GON4L: variants seen among roughly 807,000 people sequenced by gnomAD.
GON4L encodes GON-4-like protein.
GON4L carries 87 observed loss-of-function variants against 211.8 expected under a neutral mutation model. That is an observed-to-expected ratio of 0.41 (90% CI 0.35 to 0.49). The LOEUF (loss-of-function observed/expected upper bound fraction) is 0.49. Ranked by LOEUF, GON4L falls within the 20% of genes least tolerant of loss-of-function variation. The pLI, the probability that GON4L is intolerant of heterozygous loss-of-function variation, is 0.15. For synonymous variants in GON4L, 875 were observed against 962.6 expected (o/e 0.91, Z 1.68); for missense variants, 2,155 against 2,659.5 (o/e 0.81, Z 4.17).
chr1:155,755,147 C>A (rs777012475), intron 27 of GON4L, among the ~76,000 whole-genome samples: 3 of 148,766 alleles, frequency 2.0e-5, no homozygotes, highest in Admixed American at 6.8e-5. Flanking sequence ...CTCAGCTTAG[C>A]GCAACTTCCA....
chr1:155,762,953 T>C (rs560205409), intron 22 of GON4L, among the ~76,000 whole-genome samples: 3 of 151,946 alleles, frequency 2.0e-5, no homozygotes, highest in East Asian at 3.9e-4. Context: ...GGAGAATCGC[T>C]TGAACCTGGG....
At position 155,777,699 on chromosome 1, in the gene GON4L, G is replaced by A; in HGVS notation, c.2014C>T (p.Pro672Ser). The A allele has an allele frequency of 5.6e-6, 9 of 1,613,540 alleles. No individual in the cohort carries two copies. Among genetic ancestry groups the A allele is most frequent in the Non-Finnish European group, 6.8e-6 (8 of 1,179,496 alleles). ...KQLQEVEKVK[P>S]QSEKVHQTLI... ...GTCTGATGAACTTTCTCACTCTGGG[G>A]TTTAACCTTCTCTACTTCCTGCAGC... Residue 672 changes from proline to serine, a missense_variant, in exon 15 of 32, where the codon CCC becomes TCC. By Grantham distance (74) the Pro-to-Ser change is moderately conservative (BLOSUM62 -1). This residue lies in a region of GON4L where 551 missense variants were observed against 854.0 expected (regional missense o/e 0.65). Coordinates refer to ENST00000368331, the MANE Select transcript of GON4L (RefSeq NM_001282860.2).
At position 155,765,346 on chromosome 1, in the gene GON4L, ACTGT is replaced by A. The variant is rs1662337893; in HGVS notation, c.4123_4126del (p.Thr1375SerfsTer31). ...ACTCCTCTCCTCTTCCTTCTGTAAG[ACTGT>A]CTGTTTCGTTACTTCTCCAGCACTG... On this transcript the variant is annotated frameshift_variant, in exon 21 of 32. Transcript: ENST00000368331. LOFTEE classifies it high-confidence loss of function. The A allele has an allele frequency of 1.9e-6, 3 of 1,614,078 alleles. No individual in the cohort carries two copies. The highest frequency in any genetic ancestry group is 2.5e-6 in the Non-Finnish European group (3 of 1,180,004).
chr1:155,757,205 T>C lies in GON4L; in HGVS notation c.5372A>G (p.Asn1791Ser), dbSNP rs368790912. 9.0e-5 allele frequency: 146 copies of C among 1,613,916 alleles called. 2 individuals are homozygous for C. The highest frequency in any genetic ancestry group is 3.3e-4 in the African/African-American group (25 of 75,014). ...CTCATACTCCTTTTCCTCAGTCCAA[T>C]TGATCTCTTCAAAGTCACCCATCCG... ...ASRMGDFEEI[N>S]WTEEKEYEFD... is the part of the protein sequence containing the mutation. The change falls in exon 26 of 32, where the codon AAT becomes AGT. Residue 1791 changes from asparagine to serine, a missense_variant. Transcript: ENST00000368331.
intron 17 of GON4L, among the ~76,000 whole-genome samples, chr1:155,774,307 ATTTT>A (rs59844793): frequency 3.7e-5 from 4 of 107,382 alleles, no homozygotes; most frequent in South Asian, 3.1e-4. Flanking sequence ...AAGTTAGTTG[ATTTT>A]TTTTTTTTTT....
At chr1:155,796,330 T>G (rs1289049704) in intron 11 of GON4L, among the ~76,000 whole-genome samples, 1 of 151,500 alleles carries the variant, frequency 6.6e-6, no homozygotes, top group Non-Finnish European at 1.5e-5. Flanking sequence ...CAGGTTGGAG[T>G]GCAGTGGCAT....
chr1:155,787,040 G>C (rs1021181760), intron 12 of GON4L, among the ~76,000 whole-genome samples: 1 of 151,950 alleles, frequency 6.6e-6, no homozygotes, highest in Non-Finnish European at 1.5e-5. Flanking sequence ...TCCTGCCTCA[G>C]CCTCCTGAGT....
chr1:155,792,285 A>G (rs1471047298), intron 12 of GON4L, among the ~76,000 whole-genome samples: 2 of 152,192 alleles, frequency 1.3e-5, no homozygotes, highest in Admixed American at 6.6e-5. Context: ...AGTCCTTTTA[A>G]AGAGATTATA....
chr1:155,766,863 C>T (rs191031456), intron 20 of GON4L, among the ~76,000 whole-genome samples, 154 bp from the exon 21 acceptor site: 71 of 152,224 alleles, frequency 4.7e-4, no homozygotes, highest in Admixed American at 3.9e-3. Context: ...CTGACCAACA[C>T]GGTGAAACCC....
chr1:155,812,613 T>C (rs1482268493), intron 10 of GON4L, among the ~76,000 whole-genome samples: 1 of 151,736 alleles, frequency 6.6e-6, no homozygotes, highest in African/African-American at 2.4e-5. Context: ...TGGAGTGCAG[T>C]GGCGCAATCT....
Position 155,765,869 on chromosome 1 carries a change from A to G in GON4L, c.3604T>C (p.Ser1202Pro). 6.2e-7 allele frequency: 1 copy of G among 1,614,204 alleles called. No homozygotes were observed. Among genetic ancestry groups the G allele is most frequent in the Non-Finnish European group, 8.5e-7 (1 of 1,180,034 alleles). ...CPLNQSLVAS[S>P]VSPLIVSGNS... ...CCAGAAACAATTAAGGGTGAGACAG[A>G]GGAGGCCACAAGGGACTGGTTCAAT... is the stretch of plus-strand genomic sequence containing the variant. Residue 1202 changes from serine to proline, a missense_variant, in exon 21 of 32, where the codon TCT (serine) becomes CCT (proline). Coordinates refer to ENST00000368331, the MANE Select transcript of GON4L (RefSeq NM_001282860.2).
In GON4L at chr1:155,777,784, T is replaced by C. The variant is rs143825466; in HGVS notation, c.1929A>G (p.Gln643=). 6.2e-7 allele frequency: 1 copy of C among 1,613,502 alleles called. No homozygotes were observed. The highest frequency in any genetic ancestry group is 8.5e-7 in the Non-Finnish European group (1 of 1,179,544). ...EEPLANLLNE[Q]HRTVKELFEQ... ...CAAATAGCTCCTTCACTGTCCGATG[T>C]TGTTCATTTAACAGGTTGGCCAGTG... The change falls in exon 15 of 32, where the codon CAA becomes CAG. Residue 643 remains glutamine, a synonymous_variant. Transcript: ENST00000368331.
Position 155,757,329 on chromosome 1 carries a change from G to A in GON4L, c.5254-6C>T. The A allele has an allele frequency of 6.2e-7, 1 of 1,612,788 alleles. No individual in the cohort carries two copies. The highest frequency in any genetic ancestry group is 2.2e-5 in the East Asian group (1 of 44,874). ...TGCCACATCTGTGTCTTGAGCTGAGGAGAGTCACAGAGGGAAAGAGGAAGT... is the reference window on the plus strand; with the variant it reads ...TGCCACATCTGTGTCTTGAGCTGAGAAGAGTCACAGAGGGAAAGAGGAAGT... On this transcript the variant is annotated splice_polypyrimidine_tract_variant and splice_region_variant and intron_variant, in intron 25 of 31. Coordinates refer to ENST00000368331, the MANE Select transcript of GON4L (RefSeq NM_001282860.2).
intron 14 of GON4L, among the ~76,000 whole-genome samples, chr1:155,781,514 G>A (rs1256839706): frequency 1.3e-5 from 2 of 151,966 alleles, no homozygotes; most frequent in Non-Finnish European, 2.9e-5. Flanking sequence ...TCAGGATGGA[G>A]TGCAGTGGCA....
intron 11 of GON4L, among the ~76,000 whole-genome samples, chr1:155,803,497 C>T (rs913680162): frequency 1.3e-5 from 2 of 152,234 alleles, no homozygotes; most frequent in African/African-American, 4.8e-5. Context: ...CCCGCCTCGG[C>T]CTCCCAAAGA....
intron 2 of GON4L, among the ~76,000 whole-genome samples, chr1:155,851,949 G>C (rs1370688287): frequency 6.6e-6 from 1 of 152,042 alleles, no homozygotes; most frequent in Admixed American, 6.6e-5. Flanking sequence ...TGGATCACCT[G>C]AGGTCAGGAG....
chr1:155,794,960 G>A (rs1571769659), intron 12 of GON4L, 90 bp downstream of exon 12: 1 of 788,324 alleles, frequency 1.3e-6, no homozygotes. Flanking sequence ...ACATGGATGA[G>A]CTGCAAACTT....
chr1:155,801,367 G>A (rs561837885), intron 11 of GON4L, among the ~76,000 whole-genome samples: 1 of 152,096 alleles, frequency 6.6e-6, no homozygotes, highest in South Asian at 2.1e-4. Context: ...TGACTAATGG[G>A]ATAATATATC....
rs1408534415 is a variant in GON4L, at chr1:155,809,892, A to G, written c.1452+3742T>C. 9.2e-3 allele frequency among the ~76,000 whole-genome samples: 16 copies of G among 1,744 alleles called. 2 individuals carry two copies. The highest frequency in any genetic ancestry group is 0.036 in the Admixed American group (1 of 28). The allele number at this position is 1,744 out of a possible 152,430, so 1.1% of individuals were successfully genotyped here. A position where few individuals can be genotyped will look rare whatever the true frequency, so the allele number is the denominator to read the frequency against. ...ATATATAATTATAAATTATATACAT[A>G]TATATAATTATAAATTATATACATA... On this transcript the variant is annotated intron_variant, in intron 10 of 31. Transcript: ENST00000368331.
Sources: allele counts gnomAD v4.1 joint callset (sites outside exome capture counted in the v4.1 genomes callset), GRCh38; gene constraint gnomAD v4.1.1; regional missense constraint gnomAD v4.1.1; transcripts MANE v1.5; gene names NCBI Gene and HGNC (gene_info 2026-07-23, HGNC 2026-07-21).